HAUS6: variants seen among roughly 807,000 people sequenced by gnomAD.
The protein encoded by HAUS6 is HAUS augmin-like complex subunit 6.
In HAUS6, 80 loss-of-function variants were observed where a neutral mutation model predicts 106.8. That is an observed-to-expected ratio of 0.75 (90% CI 0.63 to 0.90). HAUS6 has a LOEUF of 0.90. Among genes scored for constraint, HAUS6 ranks in the 40% least tolerant of loss-of-function variants. HAUS6 has a pLI of 0.00. For missense variants in HAUS6, 1,155 were observed against 1,118.1 expected (o/e 1.03, Z -0.47); for synonymous variants, 356 against 379.1 (o/e 0.94, Z 0.71).
chr9:19,057,730 TG>T (rs1376117011), intron 16 of HAUS6: 8 of 429,090 alleles, frequency 1.9e-5, no homozygotes, highest in East Asian at 1.3e-4. Context: ...AGCTTCAGAT[TG>T]GGGGGGCTTT....
intron 1 of HAUS6, among the ~76,000 whole-genome samples, chr9:19,099,147 G>C (rs1817929190): frequency 6.6e-6 from 1 of 150,896 alleles, no homozygotes. Flanking sequence ...AAAATAATGG[G>C]GTTTTTTTTG....
At position 19,086,741 on chromosome 9, in the gene HAUS6, A is replaced by AT; in HGVS notation, c.691dup (p.Ile231AsnfsTer13). On this transcript the variant is annotated frameshift_variant, in exon 7 of 17. Coordinates refer to ENST00000380502, the MANE Select transcript of HAUS6 (RefSeq NM_017645.5). LOFTEE classifies it high-confidence loss of function. Reference sequence around the variant, plus strand: ...TTTTATAAGTTGTCTCACCTTTTGAATTTTTTCTTCCATATTACTGTGGTC... The same window carrying AT: ...TTTTATAAGTTGTCTCACCTTTTGAATTTTTTTCTTCCATATTACTGTGGTC... The AT allele has an allele frequency of 2.4e-6, 3 of 1,247,316 alleles. No individual in the cohort carries two copies. The highest frequency in any genetic ancestry group is 1.3e-5 in the South Asian group (1 of 79,056). 77.3% of individuals were successfully genotyped at this position (1,247,316 alleles called of 1,614,324 possible).
intron 4 of HAUS6, 82 bp downstream of exon 4, chr9:19,093,089 G>C (rs371237235): frequency 5.7e-5 from 56 of 984,652 alleles, no homozygotes; most frequent in East Asian, 2.1e-4. Flanking sequence ...ATTTTACTAA[G>C]ATCTCTTCAC....
chr9:19,074,347 T>C (rs1021619313), intron 11 of HAUS6, among the ~76,000 whole-genome samples: 22 of 152,048 alleles, frequency 1.4e-4, no homozygotes, highest in Non-Finnish European at 2.2e-4. Flanking sequence ...TAATAGATCA[T>C]TGCAGCCTTG....
rs1818018036 is a variant in HAUS6 at position 19,102,679 on chromosome 9, GAA to G, written c.-30_-29del. The G allele has an allele frequency of 6.2e-7, 1 of 1,604,258 alleles. No individual in the cohort carries two copies. Among genetic ancestry groups the G allele is most frequent in the Non-Finnish European group, 8.5e-7 (1 of 1,175,106 alleles). On this transcript the variant is annotated 5_prime_UTR_variant, in exon 1 of 17. Coordinates refer to ENST00000380502, the MANE Select transcript of HAUS6 (RefSeq NM_017645.5). ...TCGCGGTAGGCACGGTGGCTGCAAA[GAA>G]AGAAAGCGCAAGCCCAGGGGACTCG...
At chr9:19,087,876 A>G (rs892643171) in intron 5 of HAUS6, among the ~76,000 whole-genome samples, 3 of 149,008 alleles carry the variant, frequency 2.0e-5, no homozygotes, top group Non-Finnish European at 4.5e-5. Flanking sequence ...AAAAAACCAC[A>G]TGCACACACA....
intron 11 of HAUS6, among the ~76,000 whole-genome samples, chr9:19,075,216 T>C (rs1836968404): frequency 6.6e-6 from 1 of 152,206 alleles, no homozygotes; most frequent in Non-Finnish European, 1.5e-5. Context: ...ATCTTCATAA[T>C]TGCTTTGAAC....
Position 19,087,112 on chromosome 9 carries a change from C to A in HAUS6, c.629G>T (p.Gly210Val). ...QVRNLRSECI[G>V]LENQIKKMEP... Reference sequence around the variant, plus strand: ...TTACTTCTTTATTTGGTTTTCCAATCCTATACATTCAGATCTCAAGTTTCG... The same window carrying A: ...TTACTTCTTTATTTGGTTTTCCAATACTATACATTCAGATCTCAAGTTTCG... Residue 210 changes from glycine to valine, a missense_variant, in exon 6 of 17, where the codon GGA (glycine) becomes GTA (valine). Gly to Val is a moderately radical substitution (Grantham distance 109). This residue lies in a region of HAUS6 where 761 missense variants were observed against 690.0 expected (regional missense o/e 1.10). Transcript: ENST00000380502. The A allele has an allele frequency of 6.5e-7, 1 of 1,528,058 alleles. No individual in the cohort carries two copies. The highest frequency in any genetic ancestry group is 1.4e-5 in the African/African-American group (1 of 73,058). 94.7% of individuals were successfully genotyped at this position (1,528,058 alleles called of 1,614,324 possible). A position where few individuals can be genotyped will look rare whatever the true frequency, so the allele number is the denominator to read the frequency against.
At chr9:19,094,884 A>T (rs1385044420) in intron 2 of HAUS6, among the ~76,000 whole-genome samples, 4 of 152,178 alleles carry the variant, frequency 2.6e-5, no homozygotes, top group African/African-American at 9.7e-5. Context: ...TTTATTTATA[A>T]ACATCTATAG....
At chr9:19,093,375 T>G in intron 3 of HAUS6, 72 bp from the exon 4 acceptor site, 3 of 1,335,182 alleles carry the variant, frequency 2.2e-6, no homozygotes, top group Non-Finnish European at 3.2e-6. Flanking sequence ...TCACACTATT[T>G]TTGTTAAAGG....
intron 7 of HAUS6, among the ~76,000 whole-genome samples, chr9:19,085,518 A>C (rs1837268783): frequency 6.6e-6 from 1 of 151,954 alleles, no homozygotes; most frequent in East Asian, 1.9e-4. Context: ...GCTAACCTTT[A>C]CAGGTGACAA....
chr9:19,092,902 G>C (rs1328674852), intron 4 of HAUS6, among the ~76,000 whole-genome samples: 1 of 125,138 alleles, frequency 8.0e-6, no homozygotes, highest in Admixed American at 7.6e-5. Context: ...TCCAGCTTGA[G>C]CGAAACTGTG....
chr9:19,063,997 C>A (rs868126062), intron 12 of HAUS6, among the ~76,000 whole-genome samples: 1 of 141,780 alleles, frequency 7.1e-6, no homozygotes, highest in African/African-American at 2.7e-5. Flanking sequence ...GACGGAGTTT[C>A]GCTCTTGTTG....
chr9:19,068,686 A>G (rs1836819742), intron 12 of HAUS6, among the ~76,000 whole-genome samples: 3 of 151,444 alleles, frequency 2.0e-5, no homozygotes, highest in Non-Finnish European at 4.4e-5. Flanking sequence ...GTTGTAATGA[A>G]AGACACCTAT....
At chr9:19,063,881 G>C in intron 12 of HAUS6, 1 of 482,912 alleles carries the variant, frequency 2.1e-6, no homozygotes, top group Non-Finnish European at 4.0e-6. Context: ...TTGAACACAG[G>C]TTAAAAACAG....
rs1817698522 is a variant in HAUS6 at position 19,089,428 on chromosome 9, A to G, written c.568T>C (p.Tyr190His). The change falls in exon 5 of 17, where the codon TAT (tyrosine) becomes CAT (histidine). Residue 190 changes from tyrosine (Y) to histidine (H), a missense_variant. Physicochemically the swap from Tyr to His is moderately conservative, Grantham distance 83 (BLOSUM62 2). Coordinates refer to ENST00000380502, the MANE Select transcript of HAUS6 (RefSeq NM_017645.5). ...LQRQDCVTQK[Y>H]QENAQLSVKQ... ...ACTACTTACTGTGCATTTTCCTGAT[A>G]TTTTTGGGTAACACAATCTTGTCTT... The G allele has an allele frequency of 3.1e-6, 5 of 1,609,062 alleles. No homozygotes were observed. Among genetic ancestry groups the G allele is most frequent in the African/African-American group, 2.7e-5 (2 of 74,952 alleles).
intron 8 of HAUS6, among the ~76,000 whole-genome samples, chr9:19,081,510 G>C (rs760056798): frequency 2.0e-5 from 3 of 151,792 alleles, no homozygotes; most frequent in African/African-American, 7.3e-5. Context: ...CTCAATCTTG[G>C]CTCATTGCAG....
chr9:19,063,118 A>T lies in HAUS6; in HGVS notation c.1519T>A (p.Ser507Thr), dbSNP rs1836667233. Residue 507 changes from serine to threonine, a missense_variant, in exon 14 of 17, where the codon TCT becomes ACT. By Grantham distance (58) the Ser-to-Thr change is moderately conservative (BLOSUM62 1). Transcript: ENST00000380502. ...KKIPEFEVEN[S>T]PLSDVAKNTE... ...TTCTTTGCAACATCTGATAATGGAG[A>T]ATTTTCCACTTCAAATTCTGGTATT... is the stretch of plus-strand genomic sequence containing the variant. The T allele has an allele frequency of 6.2e-7, 1 of 1,602,162 alleles. No individual in the cohort carries two copies. The highest frequency in any genetic ancestry group is 1.1e-5 in the South Asian group (1 of 89,884).
In HAUS6 at chr9:19,058,257, T is replaced by A; in HGVS notation, c.2510A>T (p.Tyr837Phe). Residue 837 changes from tyrosine to phenylalanine, a missense_variant, in exon 16 of 17, where the codon TAC becomes TTC. This residue lies in a region of HAUS6 where 380 missense variants were observed against 394.8 expected (regional missense o/e 0.96). Transcript: ENST00000380502. ...DFNLQALRSR[Y>F]EALKKSLSKK... is the part of the protein sequence containing the mutation. ...GGAAAGAGATTTCTTCAGAGCCTCG[T>A]ATCTACTGCGAAGAGCCTGTAAATT... 6.2e-7 allele frequency: 1 copy of A among 1,613,952 alleles called. No homozygotes were observed. The highest frequency in any genetic ancestry group is 8.5e-7 in the Non-Finnish European group (1 of 1,179,838).
Sources: allele counts gnomAD v4.1 joint callset (sites outside exome capture counted in the v4.1 genomes callset), GRCh38; gene constraint gnomAD v4.1.1; regional missense constraint gnomAD v4.1.1; transcripts MANE v1.5; gene names NCBI Gene and HGNC (gene_info 2026-07-23, HGNC 2026-07-21).